Variants in LARGE1 observed in about 807,000 individuals in gnomAD.
LARGE1 encodes the protein LARGE xylosyl- and glucuronyltransferase 1.
LARGE1 carries 43 observed loss-of-function variants against 87.6 expected under a neutral mutation model. That is an observed-to-expected ratio of 0.49 (90% CI 0.38 to 0.63). The LOEUF is 0.63. LARGE1 is among the 30% of genes least tolerant of loss of function. The pLI is 0.00. For missense variants in LARGE1, 802 were observed against 1,000.2 expected, an observed-to-expected ratio of 0.80 and a Z score of 2.67; for synonymous variants, 434 against 394.6, an observed-to-expected ratio of 1.10 and a Z score of -1.18.
At chr22:33,777,194 G>A (rs1482556077) in intron 1 of LARGE1, among the ~76,000 whole-genome samples, 3 of 152,122 alleles carry the variant, frequency 2.0e-5, no homozygotes, top group Admixed American at 2.0e-4. Flanking sequence ...GCAACCAACC[G>A]CTCCTTCCAG....
chr22:33,359,207 TAGAA>T (rs2064290435), intron 9 of LARGE1, among the ~76,000 whole-genome samples: 3 of 152,100 alleles, frequency 2.0e-5, no homozygotes, highest in African/African-American at 7.2e-5. Context: ...TATTTTCAGG[TAGAA>T]ACTCATTGCT....
At chr22:33,499,900 A>G (rs962392765) in intron 6 of LARGE1, among the ~76,000 whole-genome samples, 1 of 152,074 alleles carries the variant, frequency 6.6e-6, no homozygotes, top group Non-Finnish European at 1.5e-5. Flanking sequence ...CAATCTCCTG[A>G]GTAGCTGGGA....
exon 12 of LARGE1, chr22:33,163,128 CTG>C (rs1235598366): frequency 6.6e-6 from 1 of 152,204 alleles, no homozygotes; most frequent in Non-Finnish European, 1.5e-5. Flanking sequence ...AAGTCCAACA[CTG>C]TACTAGATGC....
chr22:33,689,819 C>T (rs766469733), intron 2 of LARGE1, among the ~76,000 whole-genome samples: 2 of 151,624 alleles, frequency 1.3e-5, no homozygotes, highest in Non-Finnish European at 2.9e-5. Flanking sequence ...CCCAGCTACT[C>T]GGGAGGCTGA....
intron 11 of LARGE1, among the ~76,000 whole-genome samples, chr22:33,217,217 G>A (rs1354672500): frequency 6.7e-6 from 1 of 149,758 alleles, no homozygotes; most frequent in Admixed American, 6.7e-5. Context: ...ATTATGATAG[G>A]TAGTTAACAA....
At chr22:33,318,133 G>C (rs1010993973) in intron 10 of LARGE1, among the ~76,000 whole-genome samples, 2 of 151,830 alleles carry the variant, frequency 1.3e-5, no homozygotes, top group Admixed American at 6.6e-5. Context: ...CTACTCGGGA[G>C]GCTGAGGCAG....
At chr22:33,885,246 G>A (rs1190365353) in intron 1 of LARGE1, among the ~76,000 whole-genome samples, 1 of 152,162 alleles carries the variant, frequency 6.6e-6, no homozygotes, top group Non-Finnish European at 1.5e-5. Flanking sequence ...CACTTTTTAA[G>A]TTGCTGAAAA....
At chr22:33,107,415 A>G in the LARGE1 span, among the ~76,000 whole-genome samples, 1 of 152,140 alleles carries the variant, frequency 6.6e-6, no homozygotes, top group African/African-American at 2.4e-5. Flanking sequence ...ATTAGCTGGG[A>G]GTGGTGGCAT....
At position 33,266,219 on chromosome 22, in the gene LARGE1, C is replaced by CTTTTTT. The variant is rs983805203; in HGVS notation, c.1730+38004_1730+38009dup. Among the ~76,000 whole-genome samples, 130 of 106,900 alleles carry CTTTTTT rather than the reference C, an allele frequency of 1.2e-3. 4 individuals carry two copies. Among genetic ancestry groups the CTTTTTT allele is most frequent in the African/African-American group, 3.0e-3 (70 of 23,314 alleles). 70.1% of individuals were successfully genotyped at this position (106,900 alleles called of 152,430 possible). Reference sequence around the variant, plus strand: ...GTGGGCCTAGGTCTGATTTTCAGGGCTTTTTTTTTTTTTTTTTTTGAGATG... The same window carrying CTTTTTT: ...GTGGGCCTAGGTCTGATTTTCAGGGCTTTTTTTTTTTTTTTTTTTTTTTTTGAGATG... On this transcript the variant is annotated intron_variant, in intron 11 of 11. Coordinates refer to the LARGE1 transcript ENST00000608642.
intron 9 of LARGE1, among the ~76,000 whole-genome samples, chr22:33,341,750 G>A (rs980528638): frequency 6.6e-6 from 1 of 152,166 alleles, no homozygotes; most frequent in East Asian, 1.9e-4. Flanking sequence ...GTGTGTCCTT[G>A]AACAACTCGT....
chr22:33,752,265 A>G (rs1469939103), intron 2 of LARGE1, among the ~76,000 whole-genome samples: 1 of 152,130 alleles, frequency 6.6e-6, no homozygotes, highest in East Asian at 1.9e-4. Context: ...GCTTGGTAAT[A>G]CTTTGGGTAA....
At chr22:33,648,157 C>T (rs1388778254) in intron 3 of LARGE1, among the ~76,000 whole-genome samples, 1 of 152,184 alleles carries the variant, frequency 6.6e-6, no homozygotes, top group African/African-American at 2.4e-5. Context: ...AGAAATGGGG[C>T]CAGGATTTAG....
At chr22:33,099,208 G>A in the LARGE1 span, among the ~76,000 whole-genome samples, 2 of 152,122 alleles carry the variant, frequency 1.3e-5, no homozygotes, top group Admixed American at 6.5e-5. Context: ...AATAAGGCGT[G>A]GAAGATAGCT....
chr22:33,884,031 A>G (rs978019828), intron 1 of LARGE1, among the ~76,000 whole-genome samples: 1 of 152,258 alleles, frequency 6.6e-6, no homozygotes, highest in Non-Finnish European at 1.5e-5. Flanking sequence ...TACTTAGAAC[A>G]GTGCCTCATA....
chr22:33,877,111 C>T (rs1017351410), intron 1 of LARGE1, among the ~76,000 whole-genome samples: 43 of 152,258 alleles, frequency 2.8e-4, no homozygotes, highest in African/African-American at 9.9e-4. Flanking sequence ...ATTTACTGAG[C>T]GTCTTCTATG....
intron 7 of LARGE1, among the ~76,000 whole-genome samples, chr22:33,415,636 C>T (rs2066460899): frequency 6.6e-6 from 1 of 152,150 alleles, no homozygotes; most frequent in Non-Finnish European, 1.5e-5. Context: ...GGGGCTCTCG[C>T]TTGGCTGCCT....
intron 11 of LARGE1, among the ~76,000 whole-genome samples, chr22:33,257,930 T>C (rs1927404379): frequency 6.6e-6 from 1 of 151,590 alleles, no homozygotes; most frequent in South Asian, 2.1e-4. Context: ...CACAAACAAA[T>C]GTGAAATTCA....
the LARGE1 span, among the ~76,000 whole-genome samples, chr22:33,114,138 A>C: frequency 6.6e-6 from 1 of 151,654 alleles, no homozygotes; most frequent in East Asian, 1.9e-4. Context: ...AGCCTCCCAA[A>C]GTGCTGGGAT....
At chr22:33,633,299 G>A (rs1330222575) in intron 3 of LARGE1, among the ~76,000 whole-genome samples, 1 of 152,082 alleles carries the variant, frequency 6.6e-6, no homozygotes, top group African/African-American at 2.4e-5. Flanking sequence ...GATAAGAGAC[G>A]ATGCAGGGAG....
Sources: gnomAD v4.1 joint callset for allele counts (sites outside exome capture counted in the v4.1 genomes callset) on GRCh38, gnomAD v4.1.1 for gene constraint, MANE v1.5 for transcripts, NCBI Gene and HGNC (gene_info 2026-07-23, HGNC 2026-07-21) for gene names.